CUEDC1: variants seen among roughly 807,000 people sequenced by gnomAD.
The protein encoded by CUEDC1 is CUE domain-containing protein 1.
CUEDC1 carries 30 observed loss-of-function variants against 43.7 expected under a neutral mutation model. The ratio of observed to expected loss-of-function variants is 0.69; its 90% confidence interval spans 0.51 to 0.93. CUEDC1 has a LOEUF of 0.93. Among genes scored for constraint, CUEDC1 ranks in the 40% least tolerant of loss-of-function variants. CUEDC1 has a pLI of 0.00. For synonymous variants in CUEDC1, 223 were observed against 223.6 expected (o/e 1.00, Z 0.02); for missense variants, 486 against 549.0 (o/e 0.89, Z 1.15).
chr17:57,911,588 C>T (rs552614352), intron 1 of CUEDC1, among the ~76,000 whole-genome samples: 8 of 152,210 alleles, frequency 5.3e-5, no homozygotes, highest in East Asian at 3.9e-4. Context: ...CTGCAATCTC[C>T]GCCTCCCAGG....
chr17:57,928,743 A>G (rs977625256), intron 1 of CUEDC1, among the ~76,000 whole-genome samples: 7 of 142,960 alleles, frequency 4.9e-5, no homozygotes, highest in African/African-American at 1.8e-4. Context: ...CGAGAATTAG[A>G]GGTACCTGGC....
chr17:57,902,586 A>G (rs2074484632), intron 1 of CUEDC1, among the ~76,000 whole-genome samples: 1 of 152,246 alleles, frequency 6.6e-6, no homozygotes, highest in Non-Finnish European at 1.5e-5. Context: ...TCCACAGGGG[A>G]AACATCTGTG....
At chr17:57,886,865 C>T (rs1036837156) in intron 1 of CUEDC1, among the ~76,000 whole-genome samples, 1 of 140,802 alleles carries the variant, frequency 7.1e-6, no homozygotes, top group Non-Finnish European at 1.5e-5. Flanking sequence ...GTCACCCAGG[C>T]TGGAGTGCAG....
At chr17:57,864,013 AAAAAGAAAGAAAAG>A (rs2073919796) in intron 10 of CUEDC1, among the ~76,000 whole-genome samples, 1 of 151,528 alleles carries the variant, frequency 6.6e-6, no homozygotes, top group African/African-American at 2.4e-5. Flanking sequence ...AAAAAAAAAA[AAAAAGAAAGAAAAG>A]AAAAAGAAAA....
rs571732278 is a variant in CUEDC1, at chr17:57,947,266, T to C, written c.-316+7959A>G. Among the ~76,000 whole-genome samples, 4 of 152,286 alleles carry C rather than the reference T, an allele frequency of 2.6e-5. No individual in the cohort carries two copies. The South Asian group carries it at 8.3e-4, about 32-fold the overall frequency. On this transcript the variant is annotated intron_variant, in intron 1 of 10. Coordinates refer to ENST00000577830, the MANE Select transcript of CUEDC1 (RefSeq NM_001271875.2). Reference sequence around the variant, plus strand: ...TTCTTGCCGTCGTGTTTGCTGCTGCTACTTCTCTCTTATTTGCACAAGTCT... The same window carrying C: ...TTCTTGCCGTCGTGTTTGCTGCTGCCACTTCTCTCTTATTTGCACAAGTCT...
chr17:57,918,383 CCCCAGTCAT>C (rs1484949242), intron 1 of CUEDC1, among the ~76,000 whole-genome samples: 1 of 152,196 alleles, frequency 6.6e-6, no homozygotes, highest in African/African-American at 2.4e-5. Flanking sequence ...AAAGGCCTAC[CCCCAGTCAT>C]CCCAACCTCA....
intron 1 of CUEDC1, among the ~76,000 whole-genome samples, chr17:57,942,579 G>T (rs1327935331): frequency 6.6e-6 from 1 of 151,646 alleles, no homozygotes; most frequent in Non-Finnish European, 1.5e-5. Flanking sequence ...ACTAGAGATG[G>T]GCTTTCACCA....
At chr17:57,900,828 G>C (rs1425627628) in intron 1 of CUEDC1, among the ~76,000 whole-genome samples, 1 of 152,200 alleles carries the variant, frequency 6.6e-6, no homozygotes, top group Non-Finnish European at 1.5e-5. Context: ...ATCTCTGCCT[G>C]TTCTGCTCAC....
At position 57,887,655 on chromosome 17, in the gene CUEDC1, C is replaced by CTTTTTTTTT. The variant is rs3085786; in HGVS notation, c.-315-1785_-315-1777dup. ...TACAGGTACACGCCACCACGCCTGG[C>CTTTTTTTTT]TTTTTTTTTTTTTTTTTTTTTGTAT... On this transcript the variant is annotated intron_variant, in intron 1 of 10. Coordinates refer to ENST00000577830, the MANE Select transcript of CUEDC1 (RefSeq NM_001271875.2). 7.9e-4 allele frequency among the ~76,000 whole-genome samples: 46 copies of CTTTTTTTTT among 58,026 alleles called. 3 individuals are homozygous for CTTTTTTTTT. Among genetic ancestry groups the CTTTTTTTTT allele is most frequent in the African/African-American group, 1.8e-3 (26 of 14,488 alleles). 38.1% of individuals were successfully genotyped at this position (58,026 alleles called of 152,430 possible). A position where few individuals can be genotyped will look rare whatever the true frequency, so the allele number is the denominator to read the frequency against.
intron 7 of CUEDC1, chr17:57,868,470 C>T: frequency 1.8e-6 from 1 of 569,026 alleles, no homozygotes; most frequent in Non-Finnish European, 3.2e-6. Context: ...AGGGGCAGCA[C>T]AGGACACCCT....
chr17:57,934,505 C>A (rs544197467), intron 1 of CUEDC1, among the ~76,000 whole-genome samples: 9 of 142,876 alleles, frequency 6.3e-5, no homozygotes, highest in African/African-American at 2.4e-4. Flanking sequence ...TATAGTGAGC[C>A]ATTACTGTGA....
chr17:57,921,815 C>T (rs1419467551), intron 1 of CUEDC1, among the ~76,000 whole-genome samples: 1 of 152,064 alleles, frequency 6.6e-6, no homozygotes, highest in East Asian at 1.9e-4. Flanking sequence ...CACTTTGTAT[C>T]TTAGAAGTCA....
intron 1 of CUEDC1, among the ~76,000 whole-genome samples, chr17:57,944,044 CCT>C (rs2074938704): frequency 6.6e-6 from 1 of 152,088 alleles, no homozygotes; most frequent in African/African-American, 2.4e-5. Flanking sequence ...GTTAACTTAA[CCT>C]CTCTGTGCCT....
intron 6 of CUEDC1, 56 bp downstream of exon 6, chr17:57,871,230 T>G: frequency 1.5e-6 from 2 of 1,334,400 alleles, no homozygotes; most frequent in Non-Finnish European, 2.2e-6. Flanking sequence ...AAAGCAAAGT[T>G]GGGTGTGAGC....
At chr17:57,941,503 C>T (rs1567725478) in intron 1 of CUEDC1, among the ~76,000 whole-genome samples, 1 of 152,208 alleles carries the variant, frequency 6.6e-6, no homozygotes, top group South Asian at 2.1e-4. Flanking sequence ...AGGAAGAGCA[C>T]CTTCTTCTAA....
intron 1 of CUEDC1, among the ~76,000 whole-genome samples, chr17:57,950,462 T>C: frequency 7.2e-6 from 1 of 138,730 alleles, no homozygotes; most frequent in East Asian, 2.0e-4. Flanking sequence ...CTCTTTTTTA[T>C]TTTTTTATTT....
intron 1 of CUEDC1, among the ~76,000 whole-genome samples, chr17:57,896,012 C>T (rs1357484828): frequency 3.3e-5 from 5 of 152,168 alleles, no homozygotes; most frequent in Admixed American, 1.3e-4. Flanking sequence ...CCCGGACAGG[C>T]AGCAATCCAT....
chr17:57,898,455 T>G (rs930810513), intron 1 of CUEDC1, among the ~76,000 whole-genome samples: 5 of 152,250 alleles, frequency 3.3e-5, no homozygotes, highest in South Asian at 2.1e-4. Context: ...TGGGCAGTCC[T>G]CTGCTTACCT....
intron 2 of CUEDC1, among the ~76,000 whole-genome samples, chr17:57,881,703 T>G (rs8079147): frequency 0.02 from 3,119 of 152,246 alleles, 97 homozygotes; most frequent in African/African-American, 0.07. Flanking sequence ...GGAAGCTGCT[T>G]GGGGTTTCCC....
Sources: gnomAD v4.1 joint callset for allele counts (sites outside exome capture counted in the v4.1 genomes callset) on GRCh38, gnomAD v4.1.1 for gene constraint, MANE v1.5 for transcripts, NCBI Gene and HGNC (gene_info 2026-07-23, HGNC 2026-07-21) for gene names.